The following EEPD1 variants were observed in gnomAD, a reference collection of about 807,000 sequenced individuals.
EEPD1 encodes the protein endonuclease/exonuclease/phosphatase family domain containing 1, also known as endonuclease/exonuclease/phosphatase family domain-containing protein 1.
EEPD1 carries 17 observed loss-of-function variants against 46.3 expected under a neutral mutation model. The ratio of observed to expected loss-of-function variants is 0.37; its 90% confidence interval spans 0.25 to 0.55. The LOEUF is 0.55. Among genes scored for constraint, EEPD1 ranks in the 20% least tolerant of loss-of-function variants. EEPD1 has a pLI of 0.83. For synonymous variants in EEPD1, 313 were observed against 315.6 expected, an observed-to-expected ratio of 0.99 and a Z score of 0.09; for missense variants, 673 against 745.6, an observed-to-expected ratio of 0.90 and a Z score of 1.13.
chr7:36,232,190 GGTTTT>G (rs1332970012), intron 2 of EEPD1, among the ~76,000 whole-genome samples: 4 of 138,572 alleles, frequency 2.9e-5, no homozygotes, highest in Admixed American at 7.1e-5. Context: ...TTTTTTTTTT[GGTTTT>G]GTTTTGTTTT....
At chr7:36,202,020 C>T (rs1785720266) in intron 2 of EEPD1, among the ~76,000 whole-genome samples, 1 of 152,136 alleles carries the variant, frequency 6.6e-6, no homozygotes. Context: ...GAATCTCGGG[C>T]CCCACCCACA....
chr7:36,289,611 C>T (rs369588185), intron 6 of EEPD1, among the ~76,000 whole-genome samples: 44 of 152,366 alleles, frequency 2.9e-4, no homozygotes, highest in Middle Eastern at 3.4e-3. Flanking sequence ...TCTCCTGCCT[C>T]AGCCTCCCGA....
At chr7:36,290,601 G>C (rs570180111) in intron 6 of EEPD1, among the ~76,000 whole-genome samples, 1 of 152,158 alleles carries the variant, frequency 6.6e-6, no homozygotes, top group East Asian at 1.9e-4. Context: ...GTGCATGCAG[G>C]CTGACGTCAG....
At chr7:36,276,571 G>A (rs2160273) in intron 3 of EEPD1, among the ~76,000 whole-genome samples, 5 of 152,122 alleles carry the variant, frequency 3.3e-5, no homozygotes, top group Non-Finnish European at 7.3e-5. Flanking sequence ...GGCTTTTGAC[G>A]TACAGGGTCC....
At chr7:36,207,805 G>A (rs1314234306) in intron 2 of EEPD1, among the ~76,000 whole-genome samples, 1 of 151,946 alleles carries the variant, frequency 6.6e-6, no homozygotes, top group South Asian at 2.1e-4. Context: ...AGTAATCCTC[G>A]AGTCTTAGAA....
intron 3 of EEPD1, among the ~76,000 whole-genome samples, chr7:36,258,601 C>G (rs572210051): frequency 6.6e-6 from 1 of 152,294 alleles, no homozygotes; most frequent in Admixed American, 6.5e-5. Context: ...CCAGTTGGAA[C>G]TTCCAGGCGG....
chr7:36,299,075 G>A lies in EEPD1; in HGVS notation c.1579G>A (p.Val527Met). 1 of 1,614,120 alleles carries A rather than the reference G, an allele frequency of 6.2e-7. No individual in the cohort carries two copies. The highest frequency in any genetic ancestry group is 8.5e-7 in the Non-Finnish European group (1 of 1,180,022). The change falls in exon 8 of 8, where the codon GTG becomes ATG. Residue 527 changes from valine to methionine, a missense_variant. Transcript: ENST00000242108. Reference sequence around the variant, plus strand: ...TCCGGATAACTGGTCTTGGGGCGGGGTGGCTTCTGAACACTGCCCAGTGCT... The same window carrying A: ...TCCGGATAACTGGTCTTGGGGCGGGATGGCTTCTGAACACTGCCCAGTGCT... ...WIPDNWSWGG[V>M]ASEHCPVLAE...
intron 2 of EEPD1, among the ~76,000 whole-genome samples, chr7:36,236,729 A>G (rs1017511111): frequency 4.6e-5 from 7 of 152,158 alleles, no homozygotes; most frequent in African/African-American, 1.7e-4. Context: ...CTGTCTAGCT[A>G]AAGGATTGTA....
At chr7:36,183,904 T>C (rs1052702276) in intron 2 of EEPD1, among the ~76,000 whole-genome samples, 1 of 147,428 alleles carries the variant, frequency 6.8e-6, no homozygotes, top group African/African-American at 2.5e-5. Flanking sequence ...TAAAAAAATG[T>C]GTGTTGTTGT....
intron 4 of EEPD1, among the ~76,000 whole-genome samples, chr7:36,284,003 G>A (rs1199061539): frequency 1.3e-5 from 2 of 152,202 alleles, no homozygotes; most frequent in Non-Finnish European, 2.9e-5. Context: ...CGGCAGCAGC[G>A]CAAAGCAGGC....
intron 3 of EEPD1, among the ~76,000 whole-genome samples, chr7:36,242,107 G>A (rs1158197753): frequency 2.6e-5 from 4 of 152,008 alleles, no homozygotes; most frequent in Non-Finnish European, 5.9e-5. Context: ...AGTTTATCTT[G>A]GATTACTTAC....
In EEPD1 at chr7:36,193,180, C is replaced by T. The variant is rs902030131; in HGVS notation, c.878+37978C>T. Among the ~76,000 whole-genome samples the T allele has an allele frequency of 3.3e-5, 5 of 152,166 alleles. No homozygotes were observed. The highest frequency in any genetic ancestry group is 9.7e-5 in the African/African-American group (4 of 41,438). ...CGTGGACATTGGCAGCAGGCATGCT[C>T]ACCACATCTTGGGGTGAGTGGGATG... On this transcript the variant is annotated intron_variant, in intron 2 of 7. Transcript: ENST00000242108. The surrounding 1 kb of genome is among the most constrained non-coding windows in gnomAD (Gnocchi z 4.9).
intron 2 of EEPD1, among the ~76,000 whole-genome samples, chr7:36,218,061 G>T (rs1786062183): frequency 6.6e-6 from 1 of 152,200 alleles, no homozygotes; most frequent in East Asian, 1.9e-4. Flanking sequence ...GCAATGAGTG[G>T]TTGAGAACAG....
intron 4 of EEPD1, among the ~76,000 whole-genome samples, chr7:36,283,204 G>A (rs972289417): frequency 6.6e-6 from 1 of 152,218 alleles, no homozygotes; most frequent in Non-Finnish European, 1.5e-5. Context: ...TGTTCCTCCG[G>A]CTGCTGTTCT....
In EEPD1 at chr7:36,154,166, G is replaced by A. The variant is rs1187188954; in HGVS notation, c.-159G>A. 1.2e-6 allele frequency: 1 copy of A among 861,804 alleles called. No homozygotes were observed. The highest frequency in any genetic ancestry group is 1.7e-6 in the Non-Finnish European group (1 of 578,046). 53.4% of individuals were successfully genotyped at this position (861,804 alleles called of 1,614,324 possible). On this transcript the variant is annotated 5_prime_UTR_variant, in exon 2 of 8. Coordinates refer to ENST00000242108, the MANE Select transcript of EEPD1 (RefSeq NM_030636.3). The surrounding 1 kb of genome is among the most constrained non-coding windows in gnomAD (Gnocchi z 4.2). Reference sequence around the variant, plus strand: ...GTGAAAGGTAATTTTGGACACGCCAGGCATGGAAGATTCGGTGTTTGTCTA... The same window carrying A: ...GTGAAAGGTAATTTTGGACACGCCAAGCATGGAAGATTCGGTGTTTGTCTA...
intron 6 of EEPD1, among the ~76,000 whole-genome samples, chr7:36,294,098 G>A (rs1250820011): frequency 6.6e-6 from 1 of 152,000 alleles, no homozygotes; most frequent in Non-Finnish European, 1.5e-5. Context: ...AAGTATACAC[G>A]TCTGCTCCTC....
chr7:36,277,630 G>C (rs1314948661), intron 3 of EEPD1, among the ~76,000 whole-genome samples: 1 of 152,196 alleles, frequency 6.6e-6, no homozygotes, highest in Non-Finnish European at 1.5e-5. Flanking sequence ...TCTGTGAATA[G>C]TTAGTGCAGA....
At chr7:36,155,833 T>C (rs987765679) in intron 2 of EEPD1, among the ~76,000 whole-genome samples, 1 of 152,102 alleles carries the variant, frequency 6.6e-6, no homozygotes, top group Non-Finnish European at 1.5e-5. Context: ...TGTGTGAAAA[T>C]TGGCCGGATT....
At chr7:36,228,060 C>T (rs1000141587) in intron 2 of EEPD1, among the ~76,000 whole-genome samples, 3 of 152,132 alleles carry the variant, frequency 2.0e-5, no homozygotes, top group African/African-American at 7.2e-5. Context: ...CCCTGGGCAA[C>T]ACAGTGAGAC....
Sources: allele counts gnomAD v4.1 joint callset (sites outside exome capture counted in the v4.1 genomes callset), GRCh38; gene constraint gnomAD v4.1.1; non-coding constraint Gnocchi (gnomAD v3.1); transcripts MANE v1.5; gene names NCBI Gene and HGNC (gene_info 2026-07-23, HGNC 2026-07-21).